Variants in GUCY2F observed in about 807,000 individuals in gnomAD.
GUCY2F encodes the protein retinal guanylyl cyclase 2.
Under a neutral mutation model 73.1 loss-of-function variants are expected in GUCY2F, and 61 were observed. The ratio of observed to expected loss-of-function variants is 0.83; its 90% CI spans 0.68 to 1.03. The LOEUF (loss-of-function observed/expected upper bound fraction) is 1.03, where lower values mean the gene tolerates loss of function less well. GUCY2F is among the 50% of genes least tolerant of loss of function. The probability of loss-of-function intolerance (pLI) is 0.00; values close to 1 mark genes in which losing one functional copy is unlikely to be tolerated. For missense variants in GUCY2F, 912 were observed against 854.3 expected (o/e 1.07, Z -0.84); for synonymous variants, 331 against 307.8 (o/e 1.08, Z -0.79).
chrX:109,441,086 TG>T (rs1931856783), intron 7 of GUCY2F, among the ~76,000 whole-genome samples: 1 of 112,159 alleles, frequency 8.9e-6, no homozygotes, highest in Non-Finnish European at 1.9e-5. Flanking sequence ...CACATTTAAA[TG>T]TTTGGGTCTC....
At chrX:109,430,937 A>G (rs1231703238) in intron 7 of GUCY2F, among the ~76,000 whole-genome samples, 1 of 110,875 alleles carries the variant, frequency 9.0e-6, no homozygotes, top group Non-Finnish European at 1.9e-5. Flanking sequence ...TCACAATCCA[A>G]TTGTCTTTAA....
chrX:109,385,169 C>T lies in GUCY2F; in HGVS notation c.3055+15G>A, dbSNP rs1360973248. 1 of 946,552 alleles carries T rather than the reference C, an allele frequency of 1.1e-6. No homozygotes were observed. Among genetic ancestry groups the T allele is most frequent in the East Asian group, 3.1e-5 (1 of 32,036 alleles). The allele number at this position is 946,552 out of a possible 1,213,427, so 78.0% of individuals were successfully genotyped here. A position where few individuals can be genotyped will look rare whatever the true frequency, so the allele number is the denominator to read the frequency against. On this transcript the variant is annotated intron_variant, in intron 16 of 19. Coordinates refer to ENST00000218006, the MANE Select transcript of GUCY2F (RefSeq NM_001522.3). ...GAGTGGTGCCATCCTATCCATCTCT[C>T]TATTAGGTACTCACGTAAGCCTGTA...
chrX:109,448,246 C>T, intron 5 of GUCY2F, 81 bp from the exon 6 acceptor site: 2 of 512,736 alleles, frequency 3.9e-6, no homozygotes, highest in African/African-American at 2.3e-5. Context: ...TAAGATAGCA[C>T]TTAAAGAATA....
At position 109,454,853 on chromosome X, in the gene GUCY2F, T is replaced by C. The variant is rs2267978; in HGVS notation, c.1033-994A>G. Among the ~76,000 whole-genome samples, 38 of 111,384 alleles carry C rather than the reference T, an allele frequency of 3.4e-4. No homozygotes were observed. In the East Asian group the frequency reaches 0.011, roughly 31 times the overall value. ...CTTCTAGGATGGAGTTCAAGAAAGC[T>C]ATGGTCATGCCATTTTACTGAGCAT... On this transcript the variant is annotated intron_variant, in intron 3 of 19. Coordinates refer to ENST00000218006, the MANE Select transcript of GUCY2F (RefSeq NM_001522.3).
At position 109,398,641 on chromosome X, in the gene GUCY2F, G is replaced by A. The variant is rs1341343082; in HGVS notation, c.2183C>T (p.Ser728Phe). The A allele has an allele frequency of 5.0e-6, 6 of 1,207,128 alleles. No individual in the cohort carries two copies. The highest frequency in any genetic ancestry group is 6.7e-6 in the Non-Finnish European group (6 of 892,664). The change falls in exon 11 of 20, where the codon TCT becomes TTT. Residue 728 changes from serine (S) to phenylalanine (F), a missense_variant. Transcript: ENST00000218006. ...AAAGCTATAGACATCTCCTGCAAAA[G>A]AACCTAACCTGCTGCCTCTTGGAGC... ...LRAPRGSRLG[S>F]FAGDVYSFAI...
intron 7 of GUCY2F, among the ~76,000 whole-genome samples, chrX:109,437,927 C>T (rs1931789134): frequency 8.9e-6 from 1 of 112,354 alleles, no homozygotes; most frequent in African/African-American, 3.2e-5. Context: ...TTCCCCAATA[C>T]CTCAAGTTTA....
At chrX:109,400,968 C>A (rs1233752309) in intron 10 of GUCY2F, among the ~76,000 whole-genome samples, 1 of 111,804 alleles carries the variant, frequency 8.9e-6, no homozygotes, top group Non-Finnish European at 1.9e-5. Flanking sequence ...TTTCTCCCTG[C>A]ACATTTAAAA....
At chrX:109,469,092 A>G (rs1295878969) in intron 2 of GUCY2F, among the ~76,000 whole-genome samples, 1 of 111,153 alleles carries the variant, frequency 9.0e-6, no homozygotes, top group Admixed American at 9.6e-5. Flanking sequence ...TATAGTCAAA[A>G]CAAGGACCAG....
In GUCY2F at chrX:109,429,401, C is replaced by T. The variant is rs769167447; in HGVS notation, c.1791+906G>A. On this transcript the variant is annotated intron_variant, in intron 8 of 19. Transcript: ENST00000218006. ...TGTACTCCAGCCTGGGCAACAAGAG[C>T]GAAATTCCAGCTCAAAAAAAAAAAA... 3.8e-3 allele frequency among the ~76,000 whole-genome samples: 378 copies of T among 98,344 alleles called. 3 individuals carry two copies. The highest frequency in any genetic ancestry group is 0.013 in the African/African-American group (354 of 26,578). The allele number at this position is 98,344 out of a possible 115,157, so 85.4% of individuals were successfully genotyped here.
intron 2 of GUCY2F, among the ~76,000 whole-genome samples, chrX:109,472,268 GAA>G (rs780268734): frequency 3.3e-5 from 3 of 89,963 alleles, no homozygotes; most frequent in South Asian, 5.3e-4. Context: ...AACAGATCAG[GAA>G]AAAAAAAAAA....
In GUCY2F at chrX:109,382,207, G is replaced by T; in HGVS notation, c.3061C>A (p.Arg1021Ser). The T allele has an allele frequency of 8.7e-7, 1 of 1,143,758 alleles. No homozygotes were observed. The highest frequency in any genetic ancestry group is 1.2e-6 in the Non-Finnish European group (1 of 835,241). The allele number at this position is 1,143,758 out of a possible 1,213,427, so 94.3% of individuals were successfully genotyped here. The change falls in exon 17 of 20, where the codon CGC becomes AGC. Residue 1021 changes from arginine (R) to serine (S), a missense_variant. By Grantham distance (110) the Arg-to-Ser change is moderately radical. Transcript: ENST00000218006. The stretch of plus-strand genomic sequence containing the variant: ...ACAGTGCTGAGACTGACATGAATGC[G>T]ATAAGCTGCAAAAGAAGGAGAGACA... ...SRMESTGLPY[R>S]IHVSLSTVTI...
At chrX:109,400,266 C>T (rs1930809698) in intron 10 of GUCY2F, among the ~76,000 whole-genome samples, 1 of 110,316 alleles carries the variant, frequency 9.1e-6, no homozygotes, top group Non-Finnish European at 1.9e-5. Flanking sequence ...CACTGGAAGG[C>T]TACAATGGAG....
chrX:109,431,572 G>A (rs371698354), intron 7 of GUCY2F, among the ~76,000 whole-genome samples: 1 of 110,051 alleles, frequency 9.1e-6, no homozygotes, highest in East Asian at 2.8e-4. Flanking sequence ...GGTGGCGGGC[G>A]CCTGTAGTCT....
rs760833831 is a variant in GUCY2F, at chrX:109,465,155, A to G, written c.1019T>C (p.Leu340Pro). ...ATGTGTACTTACTTGATCGAACTCC[A>G]GCTTCTCAGGAATTTCACCTCTTGC... ...AAARGEIPEKLEFDQVSPLFG... is the reference protein window; with the variant it reads ...AAARGEIPEKPEFDQVSPLFG... Residue 340 changes from leucine to proline, a missense_variant, in exon 3 of 20, where the codon CTG becomes CCG. Coordinates refer to ENST00000218006, the MANE Select transcript of GUCY2F (RefSeq NM_001522.3). 3 of 1,207,704 alleles carry G rather than the reference A, an allele frequency of 2.5e-6. No homozygotes were observed. Among genetic ancestry groups the G allele is most frequent in the Admixed American group, 4.3e-5 (2 of 45,990 alleles).
At chrX:109,448,781 G>T (rs1406600501) in intron 5 of GUCY2F, among the ~76,000 whole-genome samples, 1 of 111,982 alleles carries the variant, frequency 8.9e-6, no homozygotes, top group Non-Finnish European at 1.9e-5. Flanking sequence ...GAAAAATTCA[G>T]TCAGTTGGTT....
intron 13 of GUCY2F, 55 bp from the exon 14 acceptor site, chrX:109,392,158 A>G: frequency 2.3e-6 from 2 of 862,596 alleles, no homozygotes; most frequent in Non-Finnish European, 3.3e-6. Context: ...TTCATGCCAC[A>G]TACACCTGCT....
chrX:109,430,274 G>C, intron 8 of GUCY2F, 33 bp downstream of exon 8: 1 of 727,841 alleles, frequency 1.4e-6, no homozygotes. Flanking sequence ...ATTTATTTTA[G>C]TGGGAATTTA....
At position 109,378,464 on chromosome X, in the gene GUCY2F, C is replaced by T. The variant is rs181161391; in HGVS notation, c.3151-2297G>A. On this transcript the variant is annotated intron_variant, in intron 17 of 19. Coordinates refer to ENST00000218006, the MANE Select transcript of GUCY2F (RefSeq NM_001522.3). ...CAGATGAGGCCTCTATGTGGACAAA[C>T]GAAAGCACAGAGAGAGGGTGAAATT... Among the ~76,000 whole-genome samples, 19 of 111,623 alleles carry T rather than the reference C, an allele frequency of 1.7e-4. No homozygotes were observed. In the East Asian group the frequency reaches 4.8e-3, roughly 28 times the overall value.
Position 109,392,902 on chromosome X carries a change from T to G in GUCY2F, c.2578A>C (p.Met860Leu). The change falls in exon 13 of 20, where the codon ATG becomes CTG. Residue 860 changes from methionine to leucine, a missense_variant. Coordinates refer to ENST00000218006, the MANE Select transcript of GUCY2F (RefSeq NM_001522.3). ...GGTGTTCTCACATACGGTGGTAGCA[T>G]CTGTGTTAGAAGCTTTTCCGTTTTC... ...KQKTEKLLTQ[M>L]LPPSVAESLK... 1 of 1,172,970 alleles carries G rather than the reference T, an allele frequency of 8.5e-7. No individual in the cohort carries two copies. Among genetic ancestry groups the G allele is most frequent in the East Asian group, 3.0e-5 (1 of 33,685 alleles).
Sources: gnomAD v4.1 joint callset for allele counts (sites outside exome capture counted in the v4.1 genomes callset) on GRCh38, gnomAD v4.1.1 for gene constraint, MANE v1.5 for transcripts, NCBI Gene and HGNC (gene_info 2026-07-23, HGNC 2026-07-21) for gene names.